Variants in SACM1L observed in about 807,000 individuals in gnomAD.
SACM1L encodes the protein SAC1 like phosphatidylinositide phosphatase.
SACM1L carries 32 observed loss-of-function variants against 89.5 expected under a neutral mutation model. The ratio of observed to expected loss-of-function variants is 0.36; its 90% CI spans 0.27 to 0.48. SACM1L has a LOEUF of 0.48. SACM1L is among the 20% of genes least tolerant of loss of function. The pLI, the probability that SACM1L is intolerant of heterozygous loss-of-function variation, is 0.99. For synonymous variants in SACM1L, 213 were observed against 232.8 expected (o/e 0.92, Z 0.77); for missense variants, 543 against 708.5 (o/e 0.77, Z 2.65).
At chr3:45,701,731 C>T (rs1008007628) in intron 1 of SACM1L, among the ~76,000 whole-genome samples, 1 of 152,132 alleles carries the variant, frequency 6.6e-6, no homozygotes, top group East Asian at 1.9e-4. Context: ...TGAACGTATC[C>T]GTCACCCTGA....
intron 19 of SACM1L, among the ~76,000 whole-genome samples, chr3:45,742,224 T>C (rs1297013286): frequency 6.6e-6 from 1 of 152,200 alleles, no homozygotes; most frequent in Non-Finnish European, 1.5e-5. Flanking sequence ...TTCAGAGCCA[T>C]GAAAATGAGC....
chr3:45,689,438 G>A lies in SACM1L; in HGVS notation c.-28G>A, dbSNP rs1248144951. 3.2e-6 allele frequency: 5 copies of A among 1,555,888 alleles called. No homozygotes were observed. In the African/African-American group the frequency reaches 6.8e-5, roughly 21 times the overall value. On this transcript the variant is annotated 5_prime_UTR_variant, in exon 1 of 20. Coordinates refer to ENST00000389061, the MANE Select transcript of SACM1L (RefSeq NM_014016.5). The stretch of plus-strand genomic sequence containing the variant: ...GGCGGCGCGGGGCGGGGCGGGCGGA[G>A]AGAGAAGGAAGGAGGTGGTTGTGCA...
chr3:45,697,150 ATTCT>A (rs2125681557), intron 1 of SACM1L, among the ~76,000 whole-genome samples: 1 of 150,242 alleles, frequency 6.7e-6, no homozygotes, highest in East Asian at 2.0e-4. Context: ...CTAAGTGTTG[ATTCT>A]TTCTTTTTTT....
intron 11 of SACM1L, among the ~76,000 whole-genome samples, chr3:45,724,334 T>TGTGTGTGTGTG (rs1553653984): frequency 4.6e-5 from 7 of 151,486 alleles, no homozygotes; most frequent in Non-Finnish European, 7.4e-5. Flanking sequence ...TGTGTGTGTG[T>TGTGTGTGTGTG]TTAATGATAG....
chr3:45,697,066 A>C (rs1698144550), intron 1 of SACM1L, among the ~76,000 whole-genome samples: 2 of 152,058 alleles, frequency 1.3e-5, no homozygotes, highest in Non-Finnish European at 2.9e-5. Flanking sequence ...ATTAAAAGTA[A>C]GGTCTCAAAG....
Position 45,698,208 on chromosome 3 carries a change from G to T in SACM1L, c.33-5230G>T, listed in dbSNP as rs1386293874. On this transcript the variant is annotated intron_variant, in intron 1 of 19. Transcript: ENST00000389061. ...TCAGTATTAAGACCAATACAAAAGT[G>T]GTGGGAAATGAGAGGAAGAGAACAG... 2.6e-5 allele frequency among the ~76,000 whole-genome samples: 4 copies of T among 152,164 alleles called. No individual in the cohort carries two copies. In the East Asian group the frequency reaches 7.7e-4, roughly 29 times the overall value.
intron 14 of SACM1L, 35 bp from the exon 15 acceptor site, chr3:45,737,548 T>G: frequency 6.4e-7 from 1 of 1,571,172 alleles, no homozygotes; most frequent in Non-Finnish European, 8.6e-7. Flanking sequence ...CTAAAATCTA[T>G]TACACATAAA....
Position 45,739,640 on chromosome 3 carries a change from G to A in SACM1L, c.1623G>A (p.Met541Ile). Residue 541 changes from methionine (M) to isoleucine (I), a missense_variant, in exon 19 of 20, where the codon ATG becomes ATA. Coordinates refer to ENST00000389061, the MANE Select transcript of SACM1L (RefSeq NM_014016.5). ...AFSMCIICLLMAGDTWTETLA... is the reference protein window; with the variant it reads ...AFSMCIICLLIAGDTWTETLA... ...CAATGTGCATTATCTGTTTGCTTAT[G>A]GCTGGTAAGTCTGCTCCACACATTT... The A allele has an allele frequency of 6.2e-7, 1 of 1,613,930 alleles. No homozygotes were observed. The highest frequency in any genetic ancestry group is 8.5e-7 in the Non-Finnish European group (1 of 1,179,920).
At chr3:45,739,781 G>GAGA in intron 19 of SACM1L, 137 bp downstream of exon 19, 1 of 781,016 alleles carries the variant, frequency 1.3e-6, no homozygotes, top group Non-Finnish European at 2.2e-6. Flanking sequence ...ACATTAGATT[G>GAGA]TCATTAGATG....
chr3:45,716,171 C>G (rs903567562), intron 7 of SACM1L, among the ~76,000 whole-genome samples: 1 of 152,072 alleles, frequency 6.6e-6, no homozygotes, highest in African/African-American at 2.4e-5. Flanking sequence ...AGAACTGTGG[C>G]TTTTACTTTA....
chr3:45,723,003 T>C (rs1294797306), intron 10 of SACM1L, 48 bp downstream of exon 10: 6 of 1,337,450 alleles, frequency 4.5e-6, no homozygotes, highest in Non-Finnish European at 6.4e-6. Flanking sequence ...AGAAGCTTAA[T>C]AGCATTATAA....
chr3:45,723,224 G>C (rs1698830092), intron 10 of SACM1L, among the ~76,000 whole-genome samples: 1 of 151,970 alleles, frequency 6.6e-6, no homozygotes, highest in South Asian at 2.1e-4. Context: ...GCTTTTTAGG[G>C]TACTTAATAT....
chr3:45,738,719 G>A, intron 17 of SACM1L, 48 bp downstream of exon 17: 1 of 1,521,442 alleles, frequency 6.6e-7, no homozygotes, highest in Non-Finnish European at 9.1e-7. Context: ...TTGTATCTTT[G>A]CATTGTTCAT....
chr3:45,743,761 C>T lies in SACM1L; in HGVS notation c.*92C>T, dbSNP rs939672783. The T allele has an allele frequency of 1.0e-5, 14 of 1,353,260 alleles. No individual in the cohort carries two copies. Among genetic ancestry groups the T allele is most frequent in the Non-Finnish European group, 1.3e-5 (13 of 996,018 alleles). 83.8% of individuals were successfully genotyped at this position (1,353,260 alleles called of 1,614,324 possible). A position where few individuals can be genotyped will look rare whatever the true frequency, so the allele number is the denominator to read the frequency against. On this transcript the variant is annotated 3_prime_UTR_variant, in exon 20 of 20. Transcript: ENST00000389061. The stretch of plus-strand genomic sequence containing the variant: ...CCCGCTTTCCACATCAGCCCAAGGT[C>T]TTTTTAATGCCTTTATCCAAAAGCA...
chr3:45,695,810 A>G (rs967548877), intron 1 of SACM1L, among the ~76,000 whole-genome samples: 10 of 152,072 alleles, frequency 6.6e-5, no homozygotes, highest in Admixed American at 1.3e-4. Context: ...CTCTGTACCC[A>G]TTAAACAACT....
Position 45,719,511 on chromosome 3 carries a change from C to T in SACM1L, c.589C>T (p.His197Tyr), listed in dbSNP as rs753289244. Reference sequence around the variant, plus strand: ...TTAATGTGGTTAAGTTATTACCATGCATTCATGTTCTATTAATGGAAAATA... The same window carrying T: ...TTAATGTGGTTAAGTTATTACCATGTATTCATGTTCTATTAATGGAAAATA... ...LPVLHGFITM[H>Y]SCSINGKYFD... Residue 197 changes from histidine (H) to tyrosine (Y), a missense_variant, in exon 8 of 20, where the codon CAT becomes TAT. His to Tyr is a moderately conservative substitution (Grantham distance 83). Coordinates refer to ENST00000389061, the MANE Select transcript of SACM1L (RefSeq NM_014016.5). The T allele has an allele frequency of 2.0e-5, 32 of 1,588,298 alleles. No individual in the cohort carries two copies. The South Asian group carries it at 3.5e-4, about 17-fold the overall frequency.
chr3:45,716,329 A>T (rs1698660148), intron 7 of SACM1L, among the ~76,000 whole-genome samples: 1 of 152,172 alleles, frequency 6.6e-6, no homozygotes, highest in Non-Finnish European at 1.5e-5. Context: ...TTTAAAAATT[A>T]GGCATGGTAG....
chr3:45,711,406 T>G (rs1698525998), intron 5 of SACM1L, among the ~76,000 whole-genome samples: 1 of 152,140 alleles, frequency 6.6e-6, no homozygotes, highest in East Asian at 1.9e-4. Flanking sequence ...GCAGAAGGAT[T>G]GCTTGAGTCC....
chr3:45,731,793 T>TA (rs1559550131), intron 12 of SACM1L, among the ~76,000 whole-genome samples: 1 of 152,190 alleles, frequency 6.6e-6, no homozygotes, highest in East Asian at 1.9e-4. Flanking sequence ...TGAGGATAGA[T>TA]ATATATGCAT....
Sources: allele counts gnomAD v4.1 joint callset (sites outside exome capture counted in the v4.1 genomes callset), GRCh38; gene constraint gnomAD v4.1.1; transcripts MANE v1.5; gene names NCBI Gene and HGNC (gene_info 2026-07-23, HGNC 2026-07-21).